Variants in CCDC148 observed in about 807,000 individuals in gnomAD.
CCDC148 encodes the protein coiled-coil domain containing 148.
In CCDC148, 89 loss-of-function variants were observed where a neutral mutation model predicts 85.7. That is an observed-to-expected ratio of 1.04 (90% confidence interval 0.87 to 1.24). The LOEUF (loss-of-function observed/expected upper bound fraction) is 1.24, where lower values mean the gene tolerates loss of function less well. Among genes scored for constraint, CCDC148 ranks in the 50% most tolerant of loss-of-function variants. The pLI, the probability that CCDC148 is intolerant of heterozygous loss-of-function variation, is 0.00. For missense variants in CCDC148, 692 were observed against 671.7 expected (o/e 1.03, Z -0.33); for synonymous variants, 230 against 213.9 (o/e 1.08, Z -0.66).
intron 1 of CCDC148, among the ~76,000 whole-genome samples, chr2:158,430,991 A>C (rs1013516807): frequency 1.3e-5 from 2 of 152,116 alleles, no homozygotes; most frequent in African/African-American, 4.8e-5. Context: ...AGAAGAAAAA[A>C]ATCAATGAAC....
At chr2:158,332,736 C>T (rs889321687) in intron 7 of CCDC148, among the ~76,000 whole-genome samples, 9 of 151,902 alleles carry the variant, frequency 5.9e-5, no homozygotes, top group Non-Finnish European at 7.4e-5. Context: ...CTCAGGGATT[C>T]GACTTCTTCC....
At chr2:158,283,001 C>G (rs10207854) in intron 9 of CCDC148, among the ~76,000 whole-genome samples, 1 of 151,864 alleles carries the variant, frequency 6.6e-6, no homozygotes, top group Non-Finnish European at 1.5e-5. Context: ...TGATCTTTGA[C>G]AAACCTGAGA....
chr2:158,395,808 C>T (rs1185766247), intron 1 of CCDC148, among the ~76,000 whole-genome samples: 1 of 152,072 alleles, frequency 6.6e-6, no homozygotes, highest in Non-Finnish European at 1.5e-5. Flanking sequence ...ATTTTTTGAC[C>T]TCTCAAATAT....
chr2:158,414,504 T>C (rs902197674), intron 1 of CCDC148, among the ~76,000 whole-genome samples: 4 of 152,104 alleles, frequency 2.6e-5, no homozygotes, highest in African/African-American at 9.7e-5. Flanking sequence ...GAATAATGTG[T>C]GCTCCACCAT....
intron 1 of CCDC148, among the ~76,000 whole-genome samples, chr2:158,402,477 A>C (rs1217433944): frequency 6.6e-6 from 1 of 152,026 alleles, no homozygotes; most frequent in East Asian, 1.9e-4. Flanking sequence ...AGCATAGCTA[A>C]AGAGATCAGT....
intron 11 of CCDC148, among the ~76,000 whole-genome samples, chr2:158,200,169 C>T (rs561705689): frequency 6.6e-6 from 1 of 152,122 alleles, no homozygotes. Flanking sequence ...TAGGTTCATG[C>T]CCTGAAATTG....
chr2:158,257,556 T>G (rs1689060597), intron 9 of CCDC148, among the ~76,000 whole-genome samples: 1 of 151,876 alleles, frequency 6.6e-6, no homozygotes, highest in African/African-American at 2.4e-5. Flanking sequence ...TATTCTCCAT[T>G]TGGCATTTCT....
intron 1 of CCDC148, among the ~76,000 whole-genome samples, chr2:158,413,543 G>T (rs990400544): frequency 6.6e-6 from 1 of 151,550 alleles, no homozygotes; most frequent in African/African-American, 2.4e-5. Flanking sequence ...AAAGTGACGA[G>T]TAAGACACAT....
chr2:158,360,936 A>C (rs1683916698), intron 1 of CCDC148, among the ~76,000 whole-genome samples: 1 of 152,020 alleles, frequency 6.6e-6, no homozygotes. Context: ...GAAAAAACTT[A>C]GTTGAACTGC....
intron 1 of CCDC148, among the ~76,000 whole-genome samples, chr2:158,425,497 C>CTA (rs143784869): frequency 0.17 from 25,215 of 151,994 alleles, 2,217 homozygotes; most frequent in Middle Eastern, 0.2. Flanking sequence ...CCTTTGCTAT[C>CTA]TGTTATGACT....
chr2:158,225,903 A>C (rs1382810509), intron 10 of CCDC148, among the ~76,000 whole-genome samples: 1 of 152,232 alleles, frequency 6.6e-6, no homozygotes, highest in Non-Finnish European at 1.5e-5. Flanking sequence ...GAACTAGAGA[A>C]GCAAGAGCAA....
chr2:158,433,091 A>AAAAAAAAAAAAAT (rs1553521585), intron 1 of CCDC148, among the ~76,000 whole-genome samples: 1 of 51,314 alleles, frequency 1.9e-5, no homozygotes, highest in Non-Finnish European at 4.2e-5. Context: ...AAAAAAAAAA[A>AAAAAAAAAAAAAT]ATATATATAT....
intron 8 of CCDC148, among the ~76,000 whole-genome samples, chr2:158,311,100 C>T (rs1691986354): frequency 6.6e-6 from 1 of 152,352 alleles, no homozygotes; most frequent in East Asian, 1.9e-4. Context: ...AATCTCAGCA[C>T]TTTGGGAGGC....
intron 1 of CCDC148, among the ~76,000 whole-genome samples, chr2:158,405,435 A>T (rs1188748705): frequency 6.6e-6 from 1 of 152,170 alleles, no homozygotes; most frequent in Non-Finnish European, 1.5e-5. Flanking sequence ...AATAAGTCTA[A>T]ATGAAGGAAA....
At chr2:158,238,745 T>C (rs1189550453) in intron 10 of CCDC148, among the ~76,000 whole-genome samples, 1 of 152,096 alleles carries the variant, frequency 6.6e-6, no homozygotes, top group Non-Finnish European at 1.5e-5. Context: ...ATAAAGAGTT[T>C]TAAGATTATC....
intron 11 of CCDC148, among the ~76,000 whole-genome samples, chr2:158,185,584 T>C (rs573138500): frequency 6.6e-6 from 1 of 152,076 alleles, no homozygotes; most frequent in Non-Finnish European, 1.5e-5. Context: ...AAGTGAGAGA[T>C]ACAAACAAGG....
At chr2:158,284,734 A>T (rs1355811218) in intron 9 of CCDC148, among the ~76,000 whole-genome samples, 1 of 152,226 alleles carries the variant, frequency 6.6e-6, no homozygotes, top group Non-Finnish European at 1.5e-5. Context: ...TTCTGTGAGC[A>T]TTTTTAATTC....
chr2:158,222,363 C>T (rs1033270711), intron 10 of CCDC148, among the ~76,000 whole-genome samples: 12 of 152,110 alleles, frequency 7.9e-5, no homozygotes, highest in Non-Finnish European at 1.8e-4. Flanking sequence ...GTATGTTATA[C>T]CTGGAGCTTT....
intron 1 of CCDC148, among the ~76,000 whole-genome samples, chr2:158,391,613 A>G (rs1049317880): frequency 6.6e-6 from 1 of 152,196 alleles, no homozygotes; most frequent in East Asian, 1.9e-4. Context: ...TCTATTAGGA[A>G]CCCACAACAT....
Sources: allele counts gnomAD v4.1 joint callset (sites outside exome capture counted in the v4.1 genomes callset), GRCh38; gene constraint gnomAD v4.1.1; transcripts MANE v1.5; gene names NCBI Gene and HGNC (gene_info 2026-07-23, HGNC 2026-07-21).